Variants in HS3ST5 observed in about 807,000 individuals in gnomAD.
HS3ST5 encodes the protein heparan sulfate-glucosamine 3-sulfotransferase 5, also known as heparan sulfate glucosamine 3-O-sulfotransferase 5.
In HS3ST5, 10 loss-of-function variants were observed where a neutral mutation model predicts 25.4. The observed-to-expected ratio is 0.39, with a 90% CI of 0.24 to 0.67. The LOEUF (loss-of-function observed/expected upper bound fraction) is 0.67. Among genes scored for constraint, HS3ST5 ranks in the 30% least tolerant of loss-of-function variants. The pLI is 0.44. For missense variants in HS3ST5, 324 were observed against 420.7 expected (o/e 0.77, Z 2.01); for synonymous variants, 170 against 162.4 (o/e 1.05, Z -0.36).
intron 2 of HS3ST5, among the ~76,000 whole-genome samples, chr6:114,197,667 G>A (rs1299150469): frequency 2.0e-5 from 3 of 151,944 alleles, no homozygotes; most frequent in Non-Finnish European, 2.9e-5. Context: ...AGCATCTACT[G>A]TTCCCATCTT....
intron 3 of HS3ST5, among the ~76,000 whole-genome samples, chr6:114,067,265 A>G (rs571597627): frequency 1.6e-4 from 25 of 152,142 alleles, no homozygotes; most frequent in African/African-American, 5.8e-4. Flanking sequence ...TAATTACAGG[A>G]CCAAAGGATA....
intron 1 of HS3ST5, among the ~76,000 whole-genome samples, chr6:114,329,691 C>T (rs1776312475): frequency 6.6e-6 from 1 of 152,084 alleles, no homozygotes; most frequent in African/African-American, 2.4e-5. Context: ...AGCTTTTACC[C>T]CACTGAGGCT....
intron 3 of HS3ST5, among the ~76,000 whole-genome samples, chr6:114,095,338 A>G (rs1775365527): frequency 6.6e-6 from 1 of 152,110 alleles, no homozygotes; most frequent in African/African-American, 2.4e-5. Flanking sequence ...ATGTTCCAAA[A>G]TCCTACCTTT....
At chr6:114,225,485 T>C (rs1782249404) in intron 2 of HS3ST5, among the ~76,000 whole-genome samples, 1 of 151,844 alleles carries the variant, frequency 6.6e-6, no homozygotes, top group African/African-American at 2.4e-5. Context: ...AGAAACAGGT[T>C]CAGGCAAAGG....
At chr6:114,068,665 A>G (rs1223888602) in intron 3 of HS3ST5, among the ~76,000 whole-genome samples, 3 of 152,230 alleles carry the variant, frequency 2.0e-5, no homozygotes, top group Non-Finnish European at 4.4e-5. Context: ...TTTAACAGAT[A>G]TTTTAATAAT....
At chr6:114,122,028 C>G (rs771496859) in intron 3 of HS3ST5, among the ~76,000 whole-genome samples, 1 of 152,178 alleles carries the variant, frequency 6.6e-6, no homozygotes, top group Non-Finnish European at 1.5e-5. Context: ...CGCTCCTTGT[C>G]GAGACTGGGG....
chr6:114,265,864 T>G (rs1773383380), intron 1 of HS3ST5, among the ~76,000 whole-genome samples: 1 of 152,168 alleles, frequency 6.6e-6, no homozygotes, highest in Admixed American at 6.5e-5. Context: ...CTTGGTGTGT[T>G]TCAGCACCCT....
intron 1 of HS3ST5, among the ~76,000 whole-genome samples, chr6:114,268,205 C>T (rs563440024): frequency 6.6e-6 from 1 of 152,228 alleles, no homozygotes; most frequent in South Asian, 2.1e-4. Context: ...GTGCAGTTTC[C>T]ACTCCTCCAC....
rs745875936 is a variant in HS3ST5, at chr6:114,057,410, C to A, written c.888G>T (p.Arg296=). The change falls in exon 5 of 5, where the codon CGG becomes CGT. Residue 296 remains arginine, a synonymous_variant. Transcript: ENST00000312719. ...GGCACTTATTAAAGATAATATTAAA[C>A]CGCAAGCAGTAAAACCCTCTGGTAG... is the stretch of plus-strand genomic sequence containing the variant. ...FNATRGFYCL[R]FNIIFNKCLA... The A allele has an allele frequency of 1.2e-6, 2 of 1,614,136 alleles. No individual in the cohort carries two copies. The highest frequency in any genetic ancestry group is 3.3e-5 in the Admixed American group (2 of 60,014).
intron 3 of HS3ST5, among the ~76,000 whole-genome samples, chr6:114,066,540 G>C (rs1192149357): frequency 6.6e-6 from 1 of 152,108 alleles, no homozygotes; most frequent in South Asian, 2.1e-4. Context: ...GGCTGAGGTG[G>C]GAGAATCACT....
At chr6:114,101,977 C>T (rs1446633028) in intron 3 of HS3ST5, among the ~76,000 whole-genome samples, 1 of 152,150 alleles carries the variant, frequency 6.6e-6, no homozygotes, top group Non-Finnish European at 1.5e-5. Flanking sequence ...CATGTTCTCA[C>T]TTATAAGTAG....
intron 2 of HS3ST5, among the ~76,000 whole-genome samples, chr6:114,197,926 A>G (rs1780838849): frequency 6.6e-6 from 1 of 152,270 alleles, no homozygotes; most frequent in African/African-American, 2.4e-5. Context: ...GCTCCCTAGC[A>G]ATGGATCCTA....
At chr6:114,073,571 G>C (rs937058570) in intron 3 of HS3ST5, among the ~76,000 whole-genome samples, 3 of 152,142 alleles carry the variant, frequency 2.0e-5, no homozygotes, top group Non-Finnish European at 4.4e-5. Context: ...GAGAAATGCA[G>C]ATCAAAACTA....
intron 2 of HS3ST5, among the ~76,000 whole-genome samples, chr6:114,211,528 G>T (rs536473602): frequency 1.1e-4 from 16 of 152,192 alleles, no homozygotes; most frequent in African/African-American, 3.9e-4. Flanking sequence ...CTATATAAAT[G>T]ATTTTTCTTT....
chr6:114,324,972 G>C (rs1452255173), intron 1 of HS3ST5, among the ~76,000 whole-genome samples: 2 of 152,170 alleles, frequency 1.3e-5, no homozygotes, highest in African/African-American at 4.8e-5. Flanking sequence ...ATACTTGCAG[G>C]AAATGTCTAC....
intron 1 of HS3ST5, among the ~76,000 whole-genome samples, chr6:114,331,227 A>C (rs1461658429): frequency 6.6e-6 from 1 of 152,200 alleles, no homozygotes. Flanking sequence ...GAAAGCTACT[A>C]AAGTCAGAGA....
In HS3ST5 at chr6:114,136,047, A is replaced by G. The variant is rs2114920181; in HGVS notation, c.-33+32304T>C. The stretch of plus-strand genomic sequence containing the variant: ...ACAGACGGACACACAGTGGGTGCTC[A>G]GTGCATACTGGTTGAATGAATGAAT... On this transcript the variant is annotated intron_variant, in intron 3 of 4. Transcript: ENST00000312719. Among the ~76,000 whole-genome samples the G allele has an allele frequency of 1.3e-5, 2 of 152,364 alleles. 1 individual carries two copies. Among genetic ancestry groups the G allele is most frequent in the South Asian group, 4.1e-4 (2 of 4,830 alleles).
At chr6:114,268,837 C>T (rs778383331) in intron 1 of HS3ST5, among the ~76,000 whole-genome samples, 1 of 152,154 alleles carries the variant, frequency 6.6e-6, no homozygotes, top group African/African-American at 2.4e-5. Flanking sequence ...GAGGTCATTC[C>T]TGGTCTGGAT....
At chr6:114,106,874 A>G (rs1404681945) in intron 3 of HS3ST5, among the ~76,000 whole-genome samples, 2 of 152,140 alleles carry the variant, frequency 1.3e-5, no homozygotes, top group South Asian at 2.1e-4. Context: ...TATAAGTTCT[A>G]TAAGATTGTT....
Sources: gnomAD v4.1 joint callset for allele counts (sites outside exome capture counted in the v4.1 genomes callset) on GRCh38, gnomAD v4.1.1 for gene constraint, MANE v1.5 for transcripts, NCBI Gene and HGNC (gene_info 2026-07-23, HGNC 2026-07-21) for gene names.